The following DHX15 variants were observed in gnomAD, a reference collection of about 807,000 sequenced individuals.
The protein encoded by DHX15 is ATP-dependent RNA helicase DHX15.
Under a neutral mutation model 94.4 loss-of-function variants are expected in DHX15, and 11 were observed. The ratio of observed to expected loss-of-function variants is 0.12; its 90% CI spans 0.07 to 0.19. DHX15 has a LOEUF of 0.19. DHX15 is among the 10% of genes least tolerant of loss of function. The probability of loss-of-function intolerance (pLI) is 1.00; values close to 1 mark genes in which losing one functional copy is unlikely to be tolerated. For synonymous variants in DHX15, 338 were observed against 329.9 expected, an observed-to-expected ratio of 1.02 and a Z score of -0.27; for missense variants, 304 against 988.5, an observed-to-expected ratio of 0.31 and a Z score of 9.29.
chr4:24,560,763 G>A (rs1721856675), intron 3 of DHX15, among the ~76,000 whole-genome samples: 1 of 152,004 alleles, frequency 6.6e-6, no homozygotes, highest in Non-Finnish European at 1.5e-5. Context: ...TATCAACTAG[G>A]TAGAAATCCT....
At chr4:24,558,675 A>G (rs1389025413) in intron 3 of DHX15, among the ~76,000 whole-genome samples, 1 of 152,152 alleles carries the variant, frequency 6.6e-6, no homozygotes, top group Non-Finnish European at 1.5e-5. Flanking sequence ...TGCTGCACTT[A>G]ATTACTTCTT....
chr4:24,566,477 T>A (rs964314182), intron 3 of DHX15, among the ~76,000 whole-genome samples: 3 of 152,140 alleles, frequency 2.0e-5, no homozygotes, highest in Non-Finnish European at 4.4e-5. Context: ...TAATTCCCTA[T>A]CCCATAACCC....
intron 10 of DHX15, chr4:24,538,671 T>C (rs539602714): frequency 2.6e-5 from 4 of 152,158 alleles, no homozygotes; most frequent in African/African-American, 4.8e-5. Context: ...TCCATTTACA[T>C]TGCTGCACAT....
chr4:24,582,163 T>C (rs1722430528), intron 1 of DHX15, among the ~76,000 whole-genome samples: 1 of 152,152 alleles, frequency 6.6e-6, no homozygotes, highest in Non-Finnish European at 1.5e-5. Context: ...ACACCTTAAG[T>C]CCACTGTTAA....
chr4:24,554,695 G>C (rs753110043), intron 5 of DHX15, 30 bp downstream of exon 5: 1 of 1,558,704 alleles, frequency 6.4e-7, no homozygotes, highest in Admixed American at 1.7e-5. Context: ...TATGTCAAAA[G>C]CTAAATAATG....
chr4:24,537,419 A>C lies in DHX15; in HGVS notation c.1787-246T>G, dbSNP rs899094480. The C allele has an allele frequency of 2.6e-5, 9 of 352,742 alleles. No homozygotes were observed. The highest frequency in any genetic ancestry group is 1.1e-4 in the African/African-American group (5 of 47,378). The allele number at this position is 352,742 out of a possible 1,614,324, so 21.9% of individuals were successfully genotyped here. On this transcript the variant is annotated intron_variant, in intron 10 of 13. Coordinates refer to ENST00000336812, the MANE Select transcript of DHX15 (RefSeq NM_001358.3). The surrounding 1 kb of genome is among the most constrained non-coding windows in gnomAD (Gnocchi z 4.7). ...ATTTTAACTAGATCTAAAAGTAGGC[A>C]TCAAAACAGCTATTCTGAAGGCCAT...
intron 5 of DHX15, among the ~76,000 whole-genome samples, chr4:24,551,594 T>C (rs1162319514): frequency 2.0e-5 from 3 of 152,160 alleles, no homozygotes; most frequent in Non-Finnish European, 4.4e-5. Context: ...ATGCTATTCA[T>C]CTAAATAAAA....
chr4:24,548,836 A>G lies in DHX15; in HGVS notation c.1248+19T>C. 6.3e-7 allele frequency: 1 copy of G among 1,599,828 alleles called. No individual in the cohort carries two copies. The highest frequency in any genetic ancestry group is 8.5e-7 in the Non-Finnish European group (1 of 1,172,602). On this transcript the variant is annotated intron_variant, in intron 6 of 13. Transcript: ENST00000336812. ...ATCATTATTAGTGAAATATTTATAAAGAGCATTTCTAATGTTACCTTTCTT... is the reference window on the plus strand; with the variant it reads ...ATCATTATTAGTGAAATATTTATAAGGAGCATTTCTAATGTTACCTTTCTT...
rs1427916328 is a variant in DHX15 at position 24,551,872 on chromosome 4, T to G, written c.1081-2850A>C. Among the ~76,000 whole-genome samples the G allele has an allele frequency of 2.0e-5, 3 of 152,308 alleles. No homozygotes were observed. In the East Asian group the frequency reaches 5.8e-4, roughly 29 times the overall value. Reference sequence around the variant, plus strand: ...AAAATTAAGTGCTTAAATTAGACATTTGCTTTGTGATTCCAGTATTTTAAA... The same window carrying G: ...AAAATTAAGTGCTTAAATTAGACATGTGCTTTGTGATTCCAGTATTTTAAA... On this transcript the variant is annotated intron_variant, in intron 5 of 13. Coordinates refer to ENST00000336812, the MANE Select transcript of DHX15 (RefSeq NM_001358.3).
chr4:24,562,457 C>A (rs573113399), intron 3 of DHX15, among the ~76,000 whole-genome samples: 1 of 152,274 alleles, frequency 6.6e-6, no homozygotes, highest in Non-Finnish European at 1.5e-5. Context: ...TCCCTGTTTT[C>A]CTATTATTGT....
intron 3 of DHX15, 73 bp downstream of exon 3, chr4:24,570,581 G>A (rs574455351): frequency 4.9e-6 from 7 of 1,430,524 alleles, no homozygotes; most frequent in Non-Finnish European, 6.8e-6. Context: ...GCCTGCACTA[G>A]CAAAGTCTTC....
chr4:24,570,740 A>C lies in DHX15; in HGVS notation c.615T>G (p.Val205=). The change falls in exon 3 of 14, where the codon GTT becomes GTG. Residue 205 remains valine (V), a synonymous_variant. Coordinates refer to ENST00000336812, the MANE Select transcript of DHX15 (RefSeq NM_001358.3). The part of the protein sequence containing the change: ...RVAAMSVAQR[V]ADEMDVMLGQ... ...CCAACATCACATCCATCTCATCAGC[A>C]ACTCTCTGAGCCACACTCATTGCAG... The C allele has an allele frequency of 1.2e-6, 2 of 1,614,152 alleles. No homozygotes were observed. Among genetic ancestry groups the C allele is most frequent in the East Asian group, 2.2e-5 (1 of 44,878 alleles).
chr4:24,543,900 T>C (rs185751877), intron 6 of DHX15, among the ~76,000 whole-genome samples: 1 of 152,270 alleles, frequency 6.6e-6, no homozygotes, highest in Admixed American at 6.5e-5. Context: ...ATACAGAAGA[T>C]GAATCAAACA....
chr4:24,547,858 T>A (rs1322026548), intron 6 of DHX15, among the ~76,000 whole-genome samples: 2 of 26,098 alleles, frequency 7.7e-5, no homozygotes, highest in Non-Finnish European at 1.3e-4. Flanking sequence ...TTAAGACATA[T>A]ATGTCTCTCT....
rs151276017 is a variant in DHX15 at position 24,533,317 on chromosome 4, T to C, written c.1910-263A>G. 410 of 481,836 alleles carry C rather than the reference T, an allele frequency of 8.5e-4. 2 individuals carry two copies. The highest frequency in any genetic ancestry group is 7.4e-3 in the African/African-American group (384 of 51,736). The allele number at this position is 481,836 out of a possible 1,614,324, so 29.8% of individuals were successfully genotyped here. A position where few individuals can be genotyped will look rare whatever the true frequency, so the allele number is the denominator to read the frequency against. Reference sequence around the variant, plus strand: ...GAATTAACTGTTTTTAGTGAATTACTTCTCCCATTAACATCCACCTGGTTG... The same window carrying C: ...GAATTAACTGTTTTTAGTGAATTACCTCTCCCATTAACATCCACCTGGTTG... On this transcript the variant is annotated intron_variant, in intron 11 of 13. Coordinates refer to ENST00000336812, the MANE Select transcript of DHX15 (RefSeq NM_001358.3).
In DHX15 at chr4:24,576,950, C is replaced by T. The variant is rs1411221195; in HGVS notation, c.72-272G>A. Among the ~76,000 whole-genome samples the T allele has an allele frequency of 5.3e-5, 8 of 152,164 alleles. No individual in the cohort carries two copies. In the East Asian group the frequency reaches 1.5e-3, roughly 29 times the overall value. ...AGAACTCAGTCTGCTGCAAGTAAAA[C>T]CCCTCCTACTTAGACAACAGAAATC... On this transcript the variant is annotated intron_variant, in intron 1 of 13. Coordinates refer to ENST00000336812, the MANE Select transcript of DHX15 (RefSeq NM_001358.3).
At chr4:24,557,580 C>G (rs931987387) in intron 3 of DHX15, among the ~76,000 whole-genome samples, 3 of 152,118 alleles carry the variant, frequency 2.0e-5, no homozygotes, top group Non-Finnish European at 4.4e-5. Context: ...TATTGGCAAA[C>G]AAATCCATCT....
At chr4:24,563,418 C>A (rs953330746) in intron 3 of DHX15, 1 of 152,180 alleles carries the variant, frequency 6.6e-6, no homozygotes, top group Non-Finnish European at 1.5e-5. Flanking sequence ...CTTCCTCAGC[C>A]TCCCAAAGTA....
intron 2 of DHX15, among the ~76,000 whole-genome samples, chr4:24,572,525 T>G (rs1722146138): frequency 6.6e-6 from 1 of 152,178 alleles, no homozygotes; most frequent in African/African-American, 2.4e-5. Flanking sequence ...TTAGCAGCTC[T>G]CAGGACCCCT....
Sources: allele counts gnomAD v4.1 joint callset (sites outside exome capture counted in the v4.1 genomes callset), GRCh38; gene constraint gnomAD v4.1.1; non-coding constraint Gnocchi (gnomAD v3.1); transcripts MANE v1.5; gene names NCBI Gene and HGNC (gene_info 2026-07-23, HGNC 2026-07-21).